SGPP2: variants seen among roughly 807,000 people sequenced by gnomAD.
The protein encoded by SGPP2 is sphingosine-1-phosphate phosphatase 2.
A neutral mutation model predicts 33.9 loss-of-function variants in SGPP2; 30 were observed. That is an observed-to-expected ratio of 0.89 (90% CI 0.66 to 1.20). The LOEUF (loss-of-function observed/expected upper bound fraction) is 1.20. Among genes scored for constraint, SGPP2 ranks in the 50% most tolerant of loss-of-function variants. The probability of loss-of-function intolerance (pLI) is 0.00; values close to 1 mark genes in which losing one functional copy is unlikely to be tolerated. For missense variants in SGPP2, 458 were observed against 532.1 expected, an observed-to-expected ratio of 0.86 and a Z score of 1.37; for synonymous variants, 233 against 225.0, an observed-to-expected ratio of 1.04 and a Z score of -0.32.
At chr2:222,467,316 C>T (rs1697761479) in intron 1 of SGPP2, among the ~76,000 whole-genome samples, 1 of 152,204 alleles carries the variant, frequency 6.6e-6, no homozygotes, top group Non-Finnish European at 1.5e-5. Context: ...ACCACCCCCA[C>T]CATCATCATC....
intron 2 of SGPP2, among the ~76,000 whole-genome samples, chr2:222,508,596 G>C (rs1198998109): frequency 6.6e-6 from 1 of 152,162 alleles, no homozygotes; most frequent in African/African-American, 2.4e-5. Flanking sequence ...GGCTTTCCTA[G>C]GCATATACAT....
chr2:222,562,095 C>A lies in SGPP2; in HGVS notation c.*3197C>A, dbSNP rs1689553103. Among the ~76,000 whole-genome samples, 1 of 152,176 alleles carries A rather than the reference C, an allele frequency of 6.6e-6. No homozygotes were observed. The highest frequency in any genetic ancestry group is 1.5e-5 in the Non-Finnish European group (1 of 68,028). ...GAGATTAATTTAAAAGGCAAGCTCA[C>A]CACAATGTAAGCCTATGGTCTGGCC... is the stretch of plus-strand genomic sequence containing the variant. On this transcript the variant is annotated 3_prime_UTR_variant, in exon 5 of 5. Coordinates refer to ENST00000321276, the MANE Select transcript of SGPP2 (RefSeq NM_152386.4).
chr2:222,474,763 C>A, intron 2 of SGPP2, 37 bp downstream of exon 2: 3 of 1,494,860 alleles, frequency 2.0e-6, no homozygotes, highest in Non-Finnish European at 2.7e-6. Flanking sequence ...GATGCTACTT[C>A]TAAAACAACT....
intron 2 of SGPP2, among the ~76,000 whole-genome samples, chr2:222,491,624 G>T (rs569335310): frequency 6.6e-6 from 1 of 152,180 alleles, no homozygotes; most frequent in East Asian, 1.9e-4. Context: ...AACAGGTGCA[G>T]ATTATGGGGT....
rs139775690 is a variant in SGPP2, at chr2:222,561,295, C to T, written c.*2397C>T. ...TACAGGTACTCCCAGCCTTCATCTG[C>T]CCCTGCAGAGCAGTGGCTGTCAGCC... On this transcript the variant is annotated 3_prime_UTR_variant, in exon 5 of 5. Transcript: ENST00000321276. Among the ~76,000 whole-genome samples, 44 of 152,190 alleles carry T rather than the reference C, an allele frequency of 2.9e-4. No individual in the cohort carries two copies. Among genetic ancestry groups the T allele is most frequent in the Admixed American group, 5.2e-4 (8 of 15,298 alleles).
At chr2:222,553,624 C>G (rs1373610112) in intron 4 of SGPP2, among the ~76,000 whole-genome samples, 1 of 152,172 alleles carries the variant, frequency 6.6e-6, no homozygotes, top group Non-Finnish European at 1.5e-5. Context: ...GAACGTTTCC[C>G]ATTCAAATAA....
rs541892797 is a variant in SGPP2 at position 222,457,625 on chromosome 2, C to T, written c.220-16943C>T. On this transcript the variant is annotated intron_variant, in intron 1 of 4. Transcript: ENST00000321276. The stretch of plus-strand genomic sequence containing the variant: ...TTCATGTGACCTGGAAAGTTGGGTT[C>T]AAATTTAGAATTCTCGGCCTAGAGA... Among the ~76,000 whole-genome samples, 17 of 152,222 alleles carry T rather than the reference C, an allele frequency of 1.1e-4. No homozygotes were observed. The East Asian group carries it at 3.1e-3, about 28-fold the overall frequency.
intron 2 of SGPP2, among the ~76,000 whole-genome samples, chr2:222,499,723 G>C (rs1698338009): frequency 1.3e-5 from 2 of 152,152 alleles, no homozygotes; most frequent in East Asian, 3.8e-4. Flanking sequence ...ATAGATGATG[G>C]GCTGGAAGCT....
chr2:222,484,064 T>C (rs887443443), intron 2 of SGPP2, among the ~76,000 whole-genome samples: 1 of 152,152 alleles, frequency 6.6e-6, no homozygotes, highest in Non-Finnish European at 1.5e-5. Context: ...AAAACTGCAT[T>C]GGTTTGGTTT....
At chr2:222,482,282 C>A (rs1463278738) in intron 2 of SGPP2, among the ~76,000 whole-genome samples, 2 of 152,204 alleles carry the variant, frequency 1.3e-5, no homozygotes, top group Non-Finnish European at 2.9e-5. Flanking sequence ...CTCACAGGAA[C>A]AAATGCTAGT....
intron 1 of SGPP2, among the ~76,000 whole-genome samples, chr2:222,463,119 G>A (rs961562257): frequency 1.1e-4 from 16 of 152,324 alleles, no homozygotes; most frequent in African/African-American, 2.6e-4. Flanking sequence ...TAGGAGGAGC[G>A]TGGAGACAGC....
At chr2:222,443,418 A>G (rs980711054) in intron 1 of SGPP2, among the ~76,000 whole-genome samples, 1 of 152,040 alleles carries the variant, frequency 6.6e-6, no homozygotes, top group African/African-American at 2.4e-5. Flanking sequence ...TATCGTTCCC[A>G]TCCTTGGGTC....
At position 222,528,424 on chromosome 2, in the gene SGPP2, CA is replaced by C. The variant is rs539195790; in HGVS notation, c.648+3392del. 1.5e-3 allele frequency among the ~76,000 whole-genome samples: 228 copies of C among 152,178 alleles called. 1 individual carries two copies. The highest frequency in any genetic ancestry group is 0.013 in the Admixed American group (192 of 15,278). On this transcript the variant is annotated intron_variant, in intron 4 of 4. Transcript: ENST00000321276. ...CTGTTGTCTAGTAAGTGTGCAATTA[CA>C]TTATGTCTAAAAAAAAGCAATGTAC... is the stretch of plus-strand genomic sequence containing the variant.
chr2:222,437,528 C>A (rs1256807075), intron 1 of SGPP2, among the ~76,000 whole-genome samples: 1 of 152,212 alleles, frequency 6.6e-6, no homozygotes, highest in Non-Finnish European at 1.5e-5. Context: ...TCGGTGCAGG[C>A]TGGGGGAGAG....
chr2:222,468,983 G>A (rs1258088075), intron 1 of SGPP2, among the ~76,000 whole-genome samples: 1 of 152,010 alleles, frequency 6.6e-6, no homozygotes, highest in East Asian at 1.9e-4. Flanking sequence ...ATAATAAGGA[G>A]CCCTAGGAAA....
intron 1 of SGPP2, among the ~76,000 whole-genome samples, chr2:222,427,527 C>T (rs116621874): frequency 0.033 from 4,960 of 152,142 alleles, 241 homozygotes; most frequent in African/African-American, 0.11. Context: ...ATCCTTCTGC[C>T]TCAGCCTTGC....
rs987588391 is a variant in SGPP2 at position 222,460,054 on chromosome 2, C to T, written c.220-14514C>T. Among the ~76,000 whole-genome samples the T allele has an allele frequency of 1.1e-4, 16 of 152,194 alleles. No individual in the cohort carries two copies. Among genetic ancestry groups the T allele is most frequent in the Non-Finnish European group, 1.5e-4 (10 of 68,030 alleles). On this transcript the variant is annotated intron_variant, in intron 1 of 4. Coordinates refer to ENST00000321276, the MANE Select transcript of SGPP2 (RefSeq NM_152386.4). The surrounding 1 kb of genome is among the most constrained non-coding windows in gnomAD (Gnocchi z 4.3). ...CTGTTTTCAGAGCAGGAATCTGAAG[C>T]GCGCGGCCCTCGGTGACGGGGCTCA...
intron 4 of SGPP2, among the ~76,000 whole-genome samples, chr2:222,554,573 A>G (rs1424250809): frequency 6.6e-6 from 1 of 152,216 alleles, no homozygotes; most frequent in Non-Finnish European, 1.5e-5. Context: ...CTCCCCATAA[A>G]TGTTATACCA....
chr2:222,561,711 G>C lies in SGPP2; in HGVS notation c.*2813G>C, dbSNP rs1159245412. The stretch of plus-strand genomic sequence containing the variant: ...AAGAATGAGCCAAGGATTTGTCATG[G>C]TTGGTCACTTTTTAAAGTATTTGAT... On this transcript the variant is annotated 3_prime_UTR_variant, in exon 5 of 5. Coordinates refer to ENST00000321276, the MANE Select transcript of SGPP2 (RefSeq NM_152386.4). Among the ~76,000 whole-genome samples, 1 of 152,000 alleles carries C rather than the reference G, an allele frequency of 6.6e-6. No individual in the cohort carries two copies. The highest frequency in any genetic ancestry group is 1.5e-5 in the Non-Finnish European group (1 of 68,004).
Sources: gnomAD v4.1 joint callset for allele counts (sites outside exome capture counted in the v4.1 genomes callset) on GRCh38, gnomAD v4.1.1 for gene constraint, Gnocchi (gnomAD v3.1) non-coding constraint, MANE v1.5 for transcripts, NCBI Gene and HGNC (gene_info 2026-07-23, HGNC 2026-07-21) for gene names.